Variants in TARS2 observed in about 807,000 individuals in gnomAD.
The protein encoded by TARS2 is threonine--tRNA ligase, mitochondrial.
A neutral mutation model predicts 94.4 loss-of-function variants in TARS2; 61 were observed. The observed-to-expected ratio is 0.65, with a 90% CI of 0.53 to 0.80. The LOEUF (loss-of-function observed/expected upper bound fraction) is 0.80, where lower values mean the gene tolerates loss of function less well. Among genes scored for constraint, TARS2 ranks in the 30% least tolerant of loss-of-function variants. The pLI, the probability that TARS2 is intolerant of heterozygous loss-of-function variation, is 0.00. For synonymous variants in TARS2, 359 were observed against 353.4 expected, an observed-to-expected ratio of 1.02 and a Z score of -0.18; for missense variants, 704 against 902.5, an observed-to-expected ratio of 0.78 and a Z score of 2.82.
intron 16 of TARS2, 88 bp downstream of exon 16, chr1:150,505,066 G>C: frequency 7.4e-7 from 1 of 1,342,450 alleles, no homozygotes; most frequent in Non-Finnish European, 1.0e-6. Context: ...CTGCAGGGGT[G>C]GTAGAGGAAG....
intron 6 of TARS2, chr1:150,492,186 G>A (rs587618583): frequency 4.2e-6 from 2 of 471,102 alleles, no homozygotes; most frequent in East Asian, 4.0e-5. Context: ...GGCTGGTCTC[G>A]AACTCCTGAC....
At chr1:150,492,317 T>C (rs1669432428) in intron 6 of TARS2, 94 bp from the exon 7 acceptor site, 1 of 1,331,990 alleles carries the variant, frequency 7.5e-7, no homozygotes, top group African/African-American at 1.5e-5. Context: ...AGTTCCTTTC[T>C]CTTCACCTCT....
rs747247637 is a variant in TARS2 at position 150,491,630 on chromosome 1, G to A, written c.663G>A (p.Glu221=). 3 of 1,614,044 alleles carry A rather than the reference G, an allele frequency of 1.9e-6. No individual in the cohort carries two copies. Among genetic ancestry groups the A allele is most frequent in the Non-Finnish European group, 2.5e-6 (3 of 1,180,044 alleles). The part of the protein sequence containing the change: ...DNPFKLHLIE[E]KVTGPTATVY... Reference sequence around the variant, plus strand: ...CCTTTAAGCTTCACTTGATTGAGGAGAAAGTGACAGGTCCAACAGCAACAG... The same window carrying A: ...CCTTTAAGCTTCACTTGATTGAGGAAAAAGTGACAGGTCCAACAGCAACAG... The change falls in exon 6 of 18, where the codon GAG becomes GAA. Residue 221 remains glutamate (E), a synonymous_variant. Coordinates refer to ENST00000369064, the MANE Select transcript of TARS2 (RefSeq NM_025150.5).
chr1:150,503,518 T>C (rs1333893563), intron 13 of TARS2, among the ~76,000 whole-genome samples: 3 of 147,226 alleles, frequency 2.0e-5, no homozygotes, highest in Admixed American at 1.4e-4. Flanking sequence ...TGAAACCCCA[T>C]CCCTACTGAA....
Position 150,496,910 on chromosome 1 carries a change from T to A in TARS2, c.1020+2T>A. On this transcript the variant is annotated splice_donor_variant, in intron 9 of 17. Transcript: ENST00000369064. LOFTEE classifies it high-confidence loss of function. ...AATGCACTAGTGGCGTTTATCAGGG[T>A]AAGGGGACCCAGGTCTAGAGGAAAG... 2 of 1,613,360 alleles carry A rather than the reference T, an allele frequency of 1.2e-6. No individual in the cohort carries two copies. Among genetic ancestry groups the A allele is most frequent in the Non-Finnish European group, 1.7e-6 (2 of 1,179,756 alleles).
chr1:150,506,841 G>A, intron 17 of TARS2, 75 bp from the exon 18 acceptor site: 2 of 1,591,180 alleles, frequency 1.3e-6, no homozygotes, highest in Admixed American at 3.4e-5. Flanking sequence ...GGTCTCTCAA[G>A]TTTCTGCAGA....
At chr1:150,492,558 TC>T in intron 7 of TARS2, 69 bp downstream of exon 7, 18 of 1,541,648 alleles carry the variant, frequency 1.2e-5, no homozygotes, top group Non-Finnish European at 1.5e-5. Flanking sequence ...ACGCTTGTAA[TC>T]CCAGCACTTT....
chr1:150,494,370 C>CAAAAAA (rs377287320), intron 7 of TARS2, among the ~76,000 whole-genome samples: 23 of 91,898 alleles, frequency 2.5e-4, no homozygotes, highest in East Asian at 6.4e-4. Flanking sequence ...GACAACATCT[C>CAAAAAA]AAAAAAAAAA....
chr1:150,491,732 G>A, intron 6 of TARS2, 70 bp downstream of exon 6: 3 of 1,475,590 alleles, frequency 2.0e-6, no homozygotes, highest in South Asian at 2.3e-5. Context: ...AATGCGATAA[G>A]GGAAGAAAGA....
chr1:150,504,176 G>A (rs1560258150), intron 13 of TARS2, among the ~76,000 whole-genome samples, 159 bp from the exon 14 acceptor site: 1 of 152,136 alleles, frequency 6.6e-6, no homozygotes, highest in Non-Finnish European at 1.5e-5. Context: ...TGAGTAGAGT[G>A]AACTGGAGGG....
chr1:150,488,178 C>T (rs41264057), intron 2 of TARS2, 124 bp downstream of exon 2: 252 of 1,160,768 alleles, frequency 2.2e-4, no homozygotes, highest in Non-Finnish European at 2.8e-4. Flanking sequence ...ATAGCCTTTC[C>T]TGAAGATTTT....
At chr1:150,496,067 T>C (rs1331068751) in intron 7 of TARS2, among the ~76,000 whole-genome samples, 1 of 152,158 alleles carries the variant, frequency 6.6e-6, no homozygotes, top group African/African-American at 2.4e-5. Context: ...TTGGATTTCA[T>C]GTGGCCAGGA....
At position 150,487,730 on chromosome 1, in the gene TARS2, T is replaced by C. The variant is rs1669212790; in HGVS notation, c.67-128T>C. ...AGGACCCCCAGCCTAGGGTCTTGTA[T>C]CACCCAATCCCCTTAAAAAGTAGGA... On this transcript the variant is annotated intron_variant, in intron 1 of 17. Transcript: ENST00000369064. 7.3e-6 allele frequency: 10 copies of C among 1,361,734 alleles called. No homozygotes were observed. The Admixed American group carries it at 2.2e-4, about 29-fold the overall frequency. The allele number at this position is 1,361,734 out of a possible 1,614,324, so 84.4% of individuals were successfully genotyped here.
Position 150,498,815 on chromosome 1 carries a change from T to G in TARS2, c.1402-82T>G, listed in dbSNP as rs1002595835. 3.3e-5 allele frequency: 53 copies of G among 1,610,518 alleles called. No homozygotes were observed. The Admixed American group carries it at 8.7e-4, about 27-fold the overall frequency. On this transcript the variant is annotated intron_variant, in intron 11 of 17. Coordinates refer to ENST00000369064, the MANE Select transcript of TARS2 (RefSeq NM_025150.5). ...CTTGCTTCCGCTTCCTCTCTGTTTT[T>G]GCCCTTTGTTTTCCTCAAACTGCCA...
chr1:150,493,147 G>C (rs999433848), intron 7 of TARS2, among the ~76,000 whole-genome samples: 2 of 152,040 alleles, frequency 1.3e-5, no homozygotes, highest in Non-Finnish European at 2.9e-5. Flanking sequence ...GGGATTACAG[G>C]CATGAGCCAC....
rs141286062 is a variant in TARS2, at chr1:150,491,447, C to G, written c.566C>G (p.Thr189Arg). ...PVLERICQEL[T>R]AAARPFRRLE... ...TTGGAGCGGATTTGCCAGGAACTTA[C>G]AGCTGCTGCTCGACCCTTCCGGAGG... The change falls in exon 5 of 18, where the codon ACA becomes AGA. Residue 189 changes from threonine (T) to arginine (R), a missense_variant. Thr to Arg is a moderately conservative substitution (Grantham distance 71). Around this residue, in one of 3 missense-constraint regions of TARS2, gnomAD observed 208 missense variants for 228.5 expected, o/e 0.91. Transcript: ENST00000369064. 1 of 1,613,998 alleles carries G rather than the reference C, an allele frequency of 6.2e-7. No homozygotes were observed. The highest frequency in any genetic ancestry group is 1.1e-5 in the South Asian group (1 of 91,074).
chr1:150,491,961 GTTTT>G, intron 6 of TARS2: 43 of 126,908 alleles, frequency 3.4e-4, no homozygotes, highest in South Asian at 9.8e-4. Context: ...TGCCTGGCTA[GTTTT>G]TTTTTTTTTT....
chr1:150,488,095 C>T (rs1669230171), intron 2 of TARS2, 41 bp downstream of exon 2: 2 of 1,592,814 alleles, frequency 1.3e-6, no homozygotes, highest in Admixed American at 1.7e-5. Context: ...TATCCTTCTG[C>T]CCCTTTACTT....
intron 1 of TARS2, 134 bp downstream of exon 1, chr1:150,487,650 A>G: frequency 7.5e-7 from 1 of 1,332,152 alleles, no homozygotes; most frequent in Non-Finnish European, 1.0e-6. Context: ...AAGGACTCGT[A>G]TCTAAACTCG....
Sources: allele counts gnomAD v4.1 joint callset (sites outside exome capture counted in the v4.1 genomes callset), GRCh38; gene constraint gnomAD v4.1.1; regional missense constraint gnomAD v4.1.1; transcripts MANE v1.5; gene names NCBI Gene and HGNC (gene_info 2026-07-23, HGNC 2026-07-21).